The following SPATS2 variants were observed in gnomAD, a reference collection of about 807,000 sequenced individuals.
SPATS2 encodes spermatogenesis-associated serine-rich protein 2.
A neutral mutation model predicts 63.7 loss-of-function variants in SPATS2; 38 were observed. The ratio of observed to expected loss-of-function variants is 0.60; its 90% CI spans 0.46 to 0.78. The LOEUF is 0.78. Ranked by LOEUF, SPATS2 falls within the 30% of genes least tolerant of loss-of-function variation. The pLI is 0.00. For synonymous variants in SPATS2, 207 were observed against 232.9 expected (o/e 0.89, Z 1.01); for missense variants, 588 against 666.2 (o/e 0.88, Z 1.29).
intron 11 of SPATS2, among the ~76,000 whole-genome samples, chr12:49,521,802 T>G (rs542138218): frequency 6.6e-6 from 1 of 152,314 alleles, no homozygotes; most frequent in Admixed American, 6.5e-5. Context: ...TAACAAGAGG[T>G]TCGTGTGCTT....
intron 11 of SPATS2, among the ~76,000 whole-genome samples, chr12:49,522,406 G>A (rs1946956312): frequency 6.6e-6 from 1 of 152,152 alleles, no homozygotes; most frequent in Non-Finnish European, 1.5e-5. Context: ...TGCTGCCTCT[G>A]TTTCTATATA....
intron 2 of SPATS2, among the ~76,000 whole-genome samples, chr12:49,392,174 G>A (rs895661282): frequency 6.6e-6 from 1 of 151,332 alleles, no homozygotes; most frequent in South Asian, 2.1e-4. Context: ...ACTTATTCTT[G>A]GTCTTTTTGC....
intron 2 of SPATS2, among the ~76,000 whole-genome samples, chr12:49,450,027 CTT>C (rs1214935410): frequency 3.3e-5 from 5 of 152,114 alleles, no homozygotes; most frequent in Admixed American, 6.5e-5. Flanking sequence ...TCATGACTCT[CTT>C]ATAATATGAT....
At chr12:49,384,990 G>A (rs1324400345) in intron 2 of SPATS2, among the ~76,000 whole-genome samples, 1 of 151,936 alleles carries the variant, frequency 6.6e-6, no homozygotes, top group African/African-American at 2.4e-5. Flanking sequence ...TGTATTTTTA[G>A]TAGAGACGGG....
intron 2 of SPATS2, among the ~76,000 whole-genome samples, chr12:49,372,916 T>A (rs1944023280): frequency 6.7e-6 from 1 of 148,832 alleles, no homozygotes; most frequent in South Asian, 2.1e-4. Context: ...AGGATGAGCC[T>A]AGCCTCTCAT....
intron 3 of SPATS2, among the ~76,000 whole-genome samples, chr12:49,465,668 G>A (rs968394125): frequency 3.9e-5 from 6 of 152,110 alleles, no homozygotes; most frequent in Non-Finnish European, 8.8e-5. Flanking sequence ...AATGGGCCGG[G>A]CGCGGTGGCT....
intron 2 of SPATS2, among the ~76,000 whole-genome samples, chr12:49,424,019 A>G (rs946384333): frequency 5.3e-5 from 8 of 152,156 alleles, no homozygotes; most frequent in Non-Finnish European, 1.5e-5. Flanking sequence ...CCTGGCCAAC[A>G]TGGCGAAACT....
chr12:49,379,964 T>C (rs1200288710), intron 2 of SPATS2, among the ~76,000 whole-genome samples: 2 of 152,008 alleles, frequency 1.3e-5, no homozygotes, highest in Non-Finnish European at 2.9e-5. Flanking sequence ...AGACCCTGTA[T>C]TCATTAAATA....
chr12:49,433,432 G>A (rs1945221134), intron 2 of SPATS2, among the ~76,000 whole-genome samples: 1 of 152,198 alleles, frequency 6.6e-6, no homozygotes, highest in Admixed American at 6.5e-5. Flanking sequence ...CAAAGTGCTG[G>A]GATTACAGGC....
intron 3 of SPATS2, among the ~76,000 whole-genome samples, chr12:49,481,370 A>G (rs2137814591): frequency 6.6e-6 from 1 of 152,188 alleles, no homozygotes; most frequent in Non-Finnish European, 1.5e-5. Context: ...CCAGAAAAAA[A>G]AGAAAGAAAT....
chr12:49,393,125 C>T (rs1469373286), intron 2 of SPATS2, among the ~76,000 whole-genome samples: 3 of 151,912 alleles, frequency 2.0e-5, no homozygotes, highest in Admixed American at 6.6e-5. Context: ...CAATTGGAGT[C>T]GTATTTTTTT....
intron 9 of SPATS2, among the ~76,000 whole-genome samples, chr12:49,513,212 T>A (rs1181715218): frequency 2.2e-5 from 3 of 137,038 alleles, no homozygotes; most frequent in Non-Finnish European, 4.7e-5. Flanking sequence ...AGAGAAAGAG[T>A]GTGTGTGTGT....
At chr12:49,517,969 T>TCC (rs1004901190) in intron 10 of SPATS2, among the ~76,000 whole-genome samples, 3 of 152,134 alleles carry the variant, frequency 2.0e-5, no homozygotes, top group Non-Finnish European at 4.4e-5. Context: ...CCCTCTTTTT[T>TCC]CCAAAATGAG....
chr12:49,375,976 A>T (rs886816679), intron 2 of SPATS2, among the ~76,000 whole-genome samples: 1 of 150,832 alleles, frequency 6.6e-6, no homozygotes, highest in Non-Finnish European at 1.5e-5. Flanking sequence ...GGTACTGCTA[A>T]TTTTTAAATA....
chr12:49,502,995 G>A (rs990299817), intron 9 of SPATS2, among the ~76,000 whole-genome samples: 4 of 152,194 alleles, frequency 2.6e-5, no homozygotes, highest in Non-Finnish European at 4.4e-5. Flanking sequence ...TGAACCTCTA[G>A]GAGGAAGCAC....
chr12:49,410,862 T>A (rs1352969059), intron 2 of SPATS2, among the ~76,000 whole-genome samples: 1 of 151,750 alleles, frequency 6.6e-6, no homozygotes, highest in East Asian at 1.9e-4. Context: ...CATGGGAGGG[T>A]TAGGTGCTAT....
At chr12:49,368,180 C>G (rs1943936366) in intron 1 of SPATS2, among the ~76,000 whole-genome samples, 1 of 152,202 alleles carries the variant, frequency 6.6e-6, no homozygotes, top group African/African-American at 2.4e-5. Flanking sequence ...TGATATTTTT[C>G]TCATAATTCA....
chr12:49,496,951 A>C lies in SPATS2; in HGVS notation c.645A>C (p.Glu215Asp), dbSNP rs770988273. 3 of 1,605,684 alleles carry C rather than the reference A, an allele frequency of 1.9e-6. No individual in the cohort carries two copies. Among genetic ancestry groups the C allele is most frequent in the African/African-American group, 1.3e-5 (1 of 74,258 alleles). Residue 215 changes from glutamate to aspartate, a missense_variant, in exon 8 of 14, where the codon GAA becomes GAC. Physicochemically the swap from Glu to Asp is conservative, Grantham distance 45. Coordinates refer to ENST00000552918, the MANE Select transcript of SPATS2 (RefSeq NM_023071.4). Reference protein sequence around the residue: ...AAKSLSRPTTETQFSNMGMED... With the variant: ...AAKSLSRPTTDTQFSNMGMED... ...AATCTCTCTCAAGACCTACCACAGAAACTCAGTTTTCAAATATGGGGATGG... is the reference window on the plus strand; with the variant it reads ...AATCTCTCTCAAGACCTACCACAGACACTCAGTTTTCAAATATGGGGATGG...
At position 49,522,789 on chromosome 12, in the gene SPATS2, A is replaced by G; in HGVS notation, c.1047A>G (p.Gly349=). The stretch of plus-strand genomic sequence containing the variant: ...AACGTAAATATGATGAGGATCTGGG[A>G]CGAGTAGCCCGGTTCACCTGTGATG... ...VSERKYDEDL[G]RVARFTCDVE... Residue 349 remains glycine, a synonymous_variant, in exon 12 of 14, where the codon GGA becomes GGG. Transcript: ENST00000552918. The G allele has an allele frequency of 6.2e-7, 1 of 1,613,840 alleles. No homozygotes were observed. The highest frequency in any genetic ancestry group is 8.5e-7 in the Non-Finnish European group (1 of 1,179,830).
Sources: gnomAD v4.1 joint callset for allele counts (sites outside exome capture counted in the v4.1 genomes callset) on GRCh38, gnomAD v4.1.1 for gene constraint, MANE v1.5 for transcripts, NCBI Gene and HGNC (gene_info 2026-07-23, HGNC 2026-07-21) for gene names.